The following WDR7 variants were observed in gnomAD, a reference collection of about 807,000 sequenced individuals.
WDR7 encodes the protein WD repeat-containing protein 7.
Under a neutral mutation model 169.4 loss-of-function variants are expected in WDR7, and 46 were observed. The ratio of observed to expected loss-of-function variants is 0.27; its 90% CI spans 0.21 to 0.35. The LOEUF (loss-of-function observed/expected upper bound fraction) is 0.35, where lower values mean the gene tolerates loss of function less well. Ranked by LOEUF, WDR7 falls within the 10% of genes least tolerant of loss-of-function variation. WDR7 has a pLI of 1.00. For synonymous variants in WDR7, 612 were observed against 666.8 expected (o/e 0.92, Z 1.27); for missense variants, 1,534 against 1,859.3 (o/e 0.83, Z 3.22).
chr18:56,815,232 G>A (rs1418483852), intron 19 of WDR7, among the ~76,000 whole-genome samples: 1 of 152,056 alleles, frequency 6.6e-6, no homozygotes, highest in Non-Finnish European at 1.5e-5. Context: ...AGCTTCTAAT[G>A]GGGAAATTTT....
intron 21 of WDR7, among the ~76,000 whole-genome samples, chr18:56,902,560 G>A (rs978941763): frequency 2.6e-5 from 4 of 152,174 alleles, no homozygotes; most frequent in African/African-American, 7.2e-5. Flanking sequence ...TGTTGCAGGT[G>A]TAGTGGTATT....
intron 16 of WDR7, among the ~76,000 whole-genome samples, chr18:56,774,894 C>A (rs1472467936): frequency 6.6e-6 from 1 of 151,860 alleles, no homozygotes; most frequent in Non-Finnish European, 1.5e-5. Flanking sequence ...AGTGTAAATG[C>A]CTTTTTTTCT....
intron 13 of WDR7, among the ~76,000 whole-genome samples, chr18:56,730,023 G>C (rs1465494984): frequency 1.3e-5 from 2 of 151,740 alleles, no homozygotes; most frequent in African/African-American, 4.9e-5. Flanking sequence ...ACATTATTTT[G>C]TTGGCTTATT....
chr18:56,726,743 T>C lies in WDR7; in HGVS notation c.1775-4640T>C, dbSNP rs74687822. Among the ~76,000 whole-genome samples, 197 of 152,220 alleles carry C rather than the reference T, an allele frequency of 1.3e-3. 3 individuals carry two copies. The East Asian group carries it at 0.032, about 24-fold the overall frequency. ...GGTAGGGCTGGAGCAGGGTTAAATG[T>C]GGAGCTAATTATTATCCACTGCAAA... On this transcript the variant is annotated intron_variant, in intron 13 of 27. Transcript: ENST00000254442.
intron 1 of WDR7, among the ~76,000 whole-genome samples, chr18:56,668,872 G>A (rs1598947333): frequency 6.8e-6 from 1 of 147,986 alleles, no homozygotes. Context: ...TGTGTAAGCA[G>A]AATGTGAAGA....
At position 57,029,551 on chromosome 18, in the gene WDR7, A is replaced by C. The variant is rs2048418202; in HGVS notation, c.*2344A>C. 1 of 152,030 alleles carries C rather than the reference A, an allele frequency of 6.6e-6. No homozygotes were observed. The highest frequency in any genetic ancestry group is 1.5e-5 in the Non-Finnish European group (1 of 68,028). The allele number at this position is 152,030 out of a possible 1,614,324, so 9.4% of individuals were successfully genotyped here. ...TTAATGTTTTATTGATTTCACTGGC[A>C]CTGTATTTGGACCTGTCCTTGTATA... On this transcript the variant is annotated 3_prime_UTR_variant, in exon 28 of 28. Transcript: ENST00000254442.
chr18:56,681,837 C>T lies in WDR7; in HGVS notation c.345+446C>T, dbSNP rs185508237. ...CATGTATTTTTAAAACTTTCCAACT[C>T]TTCAGAAGACATGACTGTTTCATAT... On this transcript the variant is annotated intron_variant, in intron 4 of 27. Coordinates refer to ENST00000254442, the MANE Select transcript of WDR7 (RefSeq NM_015285.3). 2.1e-4 allele frequency among the ~76,000 whole-genome samples: 32 copies of T among 152,330 alleles called. No homozygotes were observed. In the East Asian group the frequency reaches 6.0e-3, roughly 28 times the overall value.
intron 19 of WDR7, among the ~76,000 whole-genome samples, chr18:56,814,772 G>C (rs976995483): frequency 5.3e-5 from 8 of 151,746 alleles, no homozygotes; most frequent in African/African-American, 1.9e-4. Flanking sequence ...ACCTGCACAT[G>C]TACCCCTGAA....
At chr18:56,748,017 A>T (rs759354234) in intron 14 of WDR7, among the ~76,000 whole-genome samples, 24 of 152,076 alleles carry the variant, frequency 1.6e-4, no homozygotes, top group Non-Finnish European at 2.9e-4. Flanking sequence ...GGGTTTCAGC[A>T]TATCTAGAAG....
At chr18:56,847,771 G>T (rs2145354766) in intron 20 of WDR7, among the ~76,000 whole-genome samples, 1 of 152,324 alleles carries the variant, frequency 6.6e-6, no homozygotes, top group African/African-American at 2.4e-5. Context: ...TCATTCCAGA[G>T]GGCGAAAGCT....
chr18:56,950,519 C>A (rs1310532475), intron 25 of WDR7, among the ~76,000 whole-genome samples: 1 of 152,150 alleles, frequency 6.6e-6, no homozygotes, highest in East Asian at 1.9e-4. Flanking sequence ...CATCTGCAAA[C>A]CACAGTTTGA....
rs1184068017 is a variant in WDR7, at chr18:57,027,918, A to G, written c.*711A>G. 1 of 152,222 alleles carries G rather than the reference A, an allele frequency of 6.6e-6. No individual in the cohort carries two copies. Among genetic ancestry groups the G allele is most frequent in the East Asian group, 1.9e-4 (1 of 5,198 alleles). The allele number at this position is 152,222 out of a possible 1,614,324, so 9.4% of individuals were successfully genotyped here. A position where few individuals can be genotyped will look rare whatever the true frequency, so the allele number is the denominator to read the frequency against. On this transcript the variant is annotated 3_prime_UTR_variant, in exon 28 of 28. Transcript: ENST00000254442. ...TCATCTCTTGCTTAAATGATAGTCT[A>G]TTTAGTAGTTTAAAATAAAAATAAT...
intron 26 of WDR7, among the ~76,000 whole-genome samples, chr18:56,996,131 C>A (rs1185619172): frequency 6.6e-6 from 1 of 152,070 alleles, no homozygotes; most frequent in East Asian, 1.9e-4. Flanking sequence ...TCTCTTCTTA[C>A]CCTGATTAAT....
intron 5 of WDR7, among the ~76,000 whole-genome samples, chr18:56,683,424 A>G (rs1274062154): frequency 6.6e-6 from 1 of 152,224 alleles, no homozygotes; most frequent in East Asian, 1.9e-4. Context: ...TAGTTAATGC[A>G]GAACATTGAA....
intron 1 of WDR7, among the ~76,000 whole-genome samples, chr18:56,656,053 G>A (rs1269124730): frequency 6.6e-6 from 1 of 152,086 alleles, no homozygotes; most frequent in Non-Finnish European, 1.5e-5. Context: ...GAACATTCTT[G>A]TACAGTTTTG....
chr18:56,802,505 C>G (rs2044692904), intron 19 of WDR7, among the ~76,000 whole-genome samples: 2 of 148,736 alleles, frequency 1.3e-5, no homozygotes, highest in Non-Finnish European at 1.5e-5. Flanking sequence ...CTACAGGCAC[C>G]CGCCGCCACA....
At chr18:56,977,185 G>T (rs1222805587) in intron 26 of WDR7, among the ~76,000 whole-genome samples, 1 of 152,202 alleles carries the variant, frequency 6.6e-6, no homozygotes, top group Non-Finnish European at 1.5e-5. Flanking sequence ...GTGGTGGGTT[G>T]ATTCATAATC....
chr18:56,926,205 G>T (rs900941756), intron 22 of WDR7, among the ~76,000 whole-genome samples: 2 of 152,172 alleles, frequency 1.3e-5, no homozygotes, highest in Admixed American at 1.3e-4. Flanking sequence ...GAGCCCAGGA[G>T]TCTGTGCCTA....
chr18:56,966,138 G>A (rs990671000), intron 26 of WDR7, among the ~76,000 whole-genome samples: 12 of 152,190 alleles, frequency 7.9e-5, no homozygotes, highest in African/African-American at 2.9e-4. Context: ...AGAGACTCCA[G>A]CTCCTACAGG....
Sources: gnomAD v4.1 joint callset for allele counts (sites outside exome capture counted in the v4.1 genomes callset) on GRCh38, gnomAD v4.1.1 for gene constraint, MANE v1.5 for transcripts, NCBI Gene and HGNC (gene_info 2026-07-23, HGNC 2026-07-21) for gene names.